SLC68A1: variants seen among roughly 807,000 people sequenced by gnomAD.
SLC68A1 encodes the protein major facilitator superfamily domain containing 13A.
the SLC68A1 span, among the ~76,000 whole-genome samples, chr10:102,463,764 G>A: frequency 1.3e-5 from 2 of 152,172 alleles, no homozygotes. Context: ...TACAGAACGT[G>A]AATGCAGATA....
chr10:102,472,021 GGTGCAGTGGCTCACGCCT>G, the SLC68A1 span: 1 of 455,368 alleles, frequency 2.2e-6, no homozygotes, highest in African/African-American at 2.0e-5. Flanking sequence ...ACCACTGCCA[GGTGCAGTGGCTCACGCCT>G]GTAATCCCAG....
the SLC68A1 span, chr10:102,471,541 C>T: frequency 8.3e-7 from 1 of 1,205,382 alleles, no homozygotes; most frequent in South Asian, 1.5e-5. Context: ...GGGTGGATCA[C>T]TTGAGGACAG....
the SLC68A1 span, chr10:102,476,074 A>AT: frequency 2.0e-4 from 236 of 1,167,428 alleles, 1 homozygote; most frequent in Non-Finnish European, 2.4e-4. Context: ...AGGATTTCAT[A>AT]GTTTTTTTTT....
chr10:102,471,188 C>G, the SLC68A1 span: 6 of 1,570,676 alleles, frequency 3.8e-6, no homozygotes, highest in African/African-American at 8.2e-5. Flanking sequence ...TGCTGGGTCC[C>G]CGGCTGATGG....
At chr10:102,472,264 T>A in the SLC68A1 span, 1 of 293,284 alleles carries the variant, frequency 3.4e-6, no homozygotes, top group Non-Finnish European at 6.7e-6. Context: ...GTTTCACTAA[T>A]GTGTTTTCTT....
At chr10:102,473,701 G>A in the SLC68A1 span, 13 of 1,614,024 alleles carry the variant, frequency 8.1e-6, no homozygotes, top group East Asian at 1.3e-4. Flanking sequence ...GTTGTTGGCC[G>A]GCCCGGACCA....
chr10:102,473,765 G>A, the SLC68A1 span: 9 of 1,608,544 alleles, frequency 5.6e-6, no homozygotes, highest in East Asian at 8.9e-5. Flanking sequence ...CACGCTCCCC[G>A]CAACACCTCC....
At chr10:102,474,978 G>C in the SLC68A1 span, among the ~76,000 whole-genome samples, 1 of 151,284 alleles carries the variant, frequency 6.6e-6, no homozygotes, top group Non-Finnish European at 1.5e-5. Flanking sequence ...AAGTGACGTA[G>C]TGTGATTGAC....
chr10:102,466,567 G>T, the SLC68A1 span, among the ~76,000 whole-genome samples: 1 of 151,998 alleles, frequency 6.6e-6, no homozygotes, highest in African/African-American at 2.4e-5. Flanking sequence ...TGAATTGCCT[G>T]AGGTTACACT....
chr10:102,474,658 T>C, the SLC68A1 span, among the ~76,000 whole-genome samples: 1 of 152,100 alleles, frequency 6.6e-6, no homozygotes, highest in Non-Finnish European at 1.5e-5. Context: ...TATTTATTTA[T>C]TTACTTTTTG....
the SLC68A1 span, chr10:102,474,095 C>G: frequency 7.0e-7 from 1 of 1,422,822 alleles, no homozygotes; most frequent in African/African-American, 1.4e-5. Context: ...AGCCTGGGCT[C>G]TGGGTCCAGT....
chr10:102,473,000 G>A, the SLC68A1 span: 2 of 1,389,052 alleles, frequency 1.4e-6, no homozygotes, highest in Admixed American at 1.7e-5. Flanking sequence ...AGAGAGACCT[G>A]TATTTTTAGT....
the SLC68A1 span, chr10:102,468,924 C>A: frequency 2.2e-6 from 2 of 905,852 alleles, no homozygotes; most frequent in Non-Finnish European, 1.7e-6. Flanking sequence ...TGGCTCTGAT[C>A]CCTGTTGCTC....
chr10:102,464,352 G>A, the SLC68A1 span, among the ~76,000 whole-genome samples: 3 of 152,250 alleles, frequency 2.0e-5, no homozygotes, highest in African/African-American at 7.2e-5. Flanking sequence ...TTGGGAGGCT[G>A]AGGCAGGAAA....
the SLC68A1 span, among the ~76,000 whole-genome samples, chr10:102,462,399 C>T: frequency 6.6e-6 from 1 of 152,206 alleles, no homozygotes; most frequent in Non-Finnish European, 1.5e-5. Flanking sequence ...ACACCTGACC[C>T]AGGGCTCCTG....
the SLC68A1 span, among the ~76,000 whole-genome samples, chr10:102,467,021 C>A: frequency 1.3e-5 from 2 of 152,288 alleles, no homozygotes; most frequent in East Asian, 3.9e-4. Context: ...TAATGCTCAC[C>A]ATTTTTAAAC....
At chr10:102,472,209 A>T in the SLC68A1 span, 1 of 310,796 alleles carries the variant, frequency 3.2e-6, no homozygotes, top group African/African-American at 2.3e-5. Flanking sequence ...GCAGTATATA[A>T]ACTGGCTGAA....
the SLC68A1 span, chr10:102,475,753 C>T: frequency 3.1e-6 from 5 of 1,612,418 alleles, no homozygotes; most frequent in African/African-American, 6.7e-5. Flanking sequence ...CCCTCATAAC[C>T]CCTGTGGGGA....
At chr10:102,476,646 C>G in the SLC68A1 span, 17 of 986,096 alleles carry the variant, frequency 1.7e-5, no homozygotes, top group Non-Finnish European at 2.0e-5. Context: ...TCAGCTTGGG[C>G]AAGGGCTGGG....
Sources: gnomAD v4.1 joint callset for allele counts (sites outside exome capture counted in the v4.1 genomes callset) on GRCh38, gnomAD v4.1.1 for gene constraint, MANE v1.5 for transcripts, NCBI Gene and HGNC (gene_info 2026-07-23, HGNC 2026-07-21) for gene names.